The following FRYL variants were observed in gnomAD, a reference collection of about 807,000 sequenced individuals.
The protein encoded by FRYL is FRY like transcription coactivator.
FRYL carries 150 observed loss-of-function variants against 351.2 expected under a neutral mutation model. The observed-to-expected ratio is 0.43, with a 90% CI of 0.37 to 0.49. The LOEUF (loss-of-function observed/expected upper bound fraction) is 0.49, where lower values mean the gene tolerates loss of function less well. FRYL is among the 20% of genes least tolerant of loss of function. The pLI is 0.00. For missense variants in FRYL, 3,036 were observed against 3,619.3 expected (o/e 0.84, Z 4.13); for synonymous variants, 1,153 against 1,257.1 (o/e 0.92, Z 1.75).
intron 3 of FRYL, among the ~76,000 whole-genome samples, chr4:48,636,246 T>C (rs759396045): frequency 2.0e-5 from 3 of 152,090 alleles, no homozygotes; most frequent in Non-Finnish European, 4.4e-5. Flanking sequence ...ACAAATGTCA[T>C]TGTGGAAGAA....
Position 48,579,052 on chromosome 4 carries a change from G to A in FRYL, c.2449C>T (p.His817Tyr). The A allele has an allele frequency of 6.2e-7, 1 of 1,613,972 alleles. No homozygotes were observed. The highest frequency in any genetic ancestry group is 8.5e-7 in the Non-Finnish European group (1 of 1,179,854). Residue 817 changes from histidine to tyrosine, a missense_variant, in exon 23 of 64, where the codon CAC becomes TAC. By Grantham distance (83) the His-to-Tyr change is moderately conservative. Coordinates refer to ENST00000358350, the MANE Select transcript of FRYL (RefSeq NM_015030.2). ...SFLKQENLPK[H>Y]CSTAVSYAWM... ...GCATAGCTCACAGCTGTAGAGCAGT[G>A]TTTAGGAAGATTTTCTTGCTTTAAA...
chr4:48,646,889 G>T (rs1021535995), intron 3 of FRYL, among the ~76,000 whole-genome samples: 2 of 152,122 alleles, frequency 1.3e-5, no homozygotes, highest in Non-Finnish European at 2.9e-5. Context: ...CACCAGGGAG[G>T]TCCAGGAGAA....
At chr4:48,601,874 T>A in intron 13 of FRYL, 146 bp downstream of exon 13, 1 of 502,098 alleles carries the variant, frequency 2.0e-6, no homozygotes, top group South Asian at 2.6e-5. Flanking sequence ...AGAAATACAG[T>A]AGGTATAAGA....
At chr4:48,592,513 G>A (rs550240012) in intron 16 of FRYL, among the ~76,000 whole-genome samples, 4 of 151,896 alleles carry the variant, frequency 2.6e-5, no homozygotes, top group Admixed American at 6.6e-5. Flanking sequence ...CCTAGTATGA[G>A]AACTTCAGGA....
chr4:48,741,884 T>G lies in FRYL; in HGVS notation c.-383-31186A>C, dbSNP rs367784412. Among the ~76,000 whole-genome samples, 215 of 152,240 alleles carry G rather than the reference T, an allele frequency of 1.4e-3. 1 individual carries two copies. Among genetic ancestry groups the G allele is most frequent in the African/African-American group, 4.6e-3 (190 of 41,534 alleles). On this transcript the variant is annotated intron_variant, in intron 1 of 63. Transcript: ENST00000358350. ...GCAGGAGGGATGAGGGATAAACAGG[T>G]GGAGCACAGGGAATTTTTAAGGCAA... is the stretch of plus-strand genomic sequence containing the variant.
At chr4:48,609,844 CAAGT>C (rs745772802) in intron 7 of FRYL, 21 bp from the exon 8 acceptor site, 3 of 1,338,854 alleles carry the variant, frequency 2.2e-6, no homozygotes, top group Admixed American at 2.0e-5. Context: ...AAAAAATTAT[CAAGT>C]AAGAGTTAAA....
chr4:48,721,998 AT>A (rs1769524579), intron 1 of FRYL, among the ~76,000 whole-genome samples: 1 of 152,258 alleles, frequency 6.6e-6, no homozygotes, highest in African/African-American at 2.4e-5. Flanking sequence ...CCAAAGATAC[AT>A]TTAGATGGGT....
intron 59 of FRYL, among the ~76,000 whole-genome samples, chr4:48,508,578 C>T (rs1721796842): frequency 6.6e-6 from 1 of 152,162 alleles, no homozygotes; most frequent in African/African-American, 2.4e-5. Flanking sequence ...CAAAATGAAT[C>T]TATGTGCTGG....
intron 36 of FRYL, among the ~76,000 whole-genome samples, chr4:48,552,988 A>G (rs1040577904): frequency 2.6e-5 from 4 of 151,976 alleles, no homozygotes; most frequent in South Asian, 2.1e-4. Context: ...ATAGGTGTGT[A>G]TATATATATA....
At chr4:48,674,736 CAAA>C (rs58696045) in intron 3 of FRYL, among the ~76,000 whole-genome samples, 40 of 55,784 alleles carry the variant, frequency 7.2e-4, no homozygotes, top group South Asian at 1.2e-3. Context: ...GACTCTGTCT[CAAA>C]AAAAAAAAAA....
chr4:48,510,943 G>A lies in FRYL; in HGVS notation c.8187C>T (p.Val2729=), dbSNP rs1327246522. 6.2e-7 allele frequency: 1 copy of A among 1,612,420 alleles called. No individual in the cohort carries two copies. ...GTTGCAGACTATCACCAAGAAAGCT[G>A]ACTGCCTCATTAGTTATTTCTCCAA... is the stretch of plus-strand genomic sequence containing the variant. ...RKFGEITNEA[V]SFLGDSLQRI... The change falls in exon 58 of 64, where the codon GTC becomes GTT. Residue 2729 remains valine, a synonymous_variant. Transcript: ENST00000358350.
intron 13 of FRYL, 116 bp from the exon 14 acceptor site, chr4:48,596,116 T>C: frequency 1.5e-6 from 1 of 675,724 alleles, no homozygotes; most frequent in Non-Finnish European, 2.5e-6. Context: ...CTAAAATAGG[T>C]TTAAATACCA....
rs1267503473 is a variant in FRYL at position 48,499,713 on chromosome 4, A to G, written c.8784-33T>C. 3 of 1,603,184 alleles carry G rather than the reference A, an allele frequency of 1.9e-6. No homozygotes were observed. The African/African-American group carries it at 4.0e-5, about 22-fold the overall frequency. ...TACACAATAGTTTTTCAGTTCTGAGACTTAGGCAATAGTTAAGACTAACTC... is the reference window on the plus strand; with the variant it reads ...TACACAATAGTTTTTCAGTTCTGAGGCTTAGGCAATAGTTAAGACTAACTC... On this transcript the variant is annotated intron_variant, in intron 63 of 63. Transcript: ENST00000358350.
chr4:48,663,731 C>G (rs1455739197), intron 3 of FRYL, among the ~76,000 whole-genome samples: 1 of 132,278 alleles, frequency 7.6e-6, no homozygotes. Flanking sequence ...GCCGAGATCG[C>G]GCCACTGCAC....
chr4:48,655,762 C>T (rs1470087264), intron 3 of FRYL, among the ~76,000 whole-genome samples: 1 of 143,740 alleles, frequency 7.0e-6, no homozygotes, highest in African/African-American at 2.5e-5. Flanking sequence ...TTATATAATA[C>T]ATTATGTAAT....
rs1560755445 is a variant in FRYL at position 48,632,725 on chromosome 4, A to G, written c.120+1566T>C. 5.3e-5 allele frequency among the ~76,000 whole-genome samples: 8 copies of G among 152,272 alleles called. No individual in the cohort carries two copies. The South Asian group carries it at 1.7e-3, about 32-fold the overall frequency. On this transcript the variant is annotated intron_variant, in intron 4 of 63. Transcript: ENST00000358350. ...ACATTTGGCTATTATTATGTATCAGATCCCGGAACATATTATTTCATAGAT... is the reference window on the plus strand; with the variant it reads ...ACATTTGGCTATTATTATGTATCAGGTCCCGGAACATATTATTTCATAGAT...
rs188389485 is a variant in FRYL, at chr4:48,756,201, C to T, written c.-384+23877G>A. Among the ~76,000 whole-genome samples, 851 of 150,602 alleles carry T rather than the reference C, an allele frequency of 5.7e-3. 5 individuals carry two copies. The highest frequency in any genetic ancestry group is 8.5e-3 in the Non-Finnish European group (574 of 67,812). ...TGAGCCAAGATTGCACCACCACACT[C>T]CAACCTAGGCAACAGAGCAAGACTT... On this transcript the variant is annotated intron_variant, in intron 1 of 63. Transcript: ENST00000358350.
chr4:48,685,368 T>C (rs1193710832), intron 2 of FRYL, among the ~76,000 whole-genome samples: 3 of 152,228 alleles, frequency 2.0e-5, no homozygotes, highest in Non-Finnish European at 4.4e-5. Context: ...ACCATATCTC[T>C]TAAATAAATT....
chr4:48,670,047 G>GT, intron 3 of FRYL, among the ~76,000 whole-genome samples: 1 of 152,206 alleles, frequency 6.6e-6, no homozygotes, highest in South Asian at 2.1e-4. Context: ...CAATCACAGG[G>GT]TAAATGGAGT....
Sources: allele counts gnomAD v4.1 joint callset (sites outside exome capture counted in the v4.1 genomes callset), GRCh38; gene constraint gnomAD v4.1.1; transcripts MANE v1.5; gene names NCBI Gene and HGNC (gene_info 2026-07-23, HGNC 2026-07-21).